Variants in PPP4R3B observed in about 807,000 individuals in gnomAD.
PPP4R3B encodes serine/threonine-protein phosphatase 4 regulatory subunit 3B.
Under a neutral mutation model 95.4 loss-of-function variants are expected in PPP4R3B, and 52 were observed. The observed-to-expected ratio is 0.54, with a 90% CI of 0.44 to 0.69. The LOEUF is 0.69. Ranked by LOEUF, PPP4R3B falls within the 30% of genes least tolerant of loss-of-function variation. The probability of loss-of-function intolerance (pLI) is 0.00; values close to 1 mark genes in which losing one functional copy is unlikely to be tolerated. For synonymous variants in PPP4R3B, 407 were observed against 343.9 expected (o/e 1.18, Z -2.03); for missense variants, 1,003 against 1,005.9 (o/e 1.00, Z 0.04).
intron 2 of PPP4R3B, among the ~76,000 whole-genome samples, chr2:55,610,284 T>A (rs1251490314): frequency 1.3e-5 from 2 of 152,166 alleles, no homozygotes; most frequent in African/African-American, 4.8e-5. Context: ...CTCCACCCTA[T>A]CCCTCCTCCC....
At chr2:55,575,417 A>C (rs556299397) in intron 11 of PPP4R3B, among the ~76,000 whole-genome samples, 8 of 152,084 alleles carry the variant, frequency 5.3e-5, no homozygotes, top group Admixed American at 3.9e-4. Context: ...ATCATGCACC[A>C]CCCATATTAT....
At chr2:55,611,631 T>C (rs1209980032) in intron 2 of PPP4R3B, among the ~76,000 whole-genome samples, 2 of 152,244 alleles carry the variant, frequency 1.3e-5, no homozygotes, top group African/African-American at 2.4e-5. Flanking sequence ...ACTTCATTTA[T>C]GAAAGAAAAG....
intron 4 of PPP4R3B, among the ~76,000 whole-genome samples, chr2:55,593,168 A>C (rs1348280874): frequency 1.3e-5 from 2 of 152,156 alleles, no homozygotes; most frequent in Non-Finnish European, 2.9e-5. Flanking sequence ...AAAATAAATA[A>C]ATAAATAATT....
In PPP4R3B at chr2:55,558,981, T is replaced by A. The variant is rs770223870; in HGVS notation, c.2261-13A>T. The A allele has an allele frequency of 6.3e-7, 1 of 1,595,238 alleles. No homozygotes were observed. Among genetic ancestry groups the A allele is most frequent in the South Asian group, 1.1e-5 (1 of 88,440 alleles). ...TCACTTTCTTTTGCTAAAGCAAAAG[T>A]AAAATTTTGAACGTATATCAATAAA... On this transcript the variant is annotated splice_polypyrimidine_tract_variant and intron_variant, in intron 15 of 16. Transcript: ENST00000616407.
chr2:55,573,770 A>T lies in PPP4R3B; in HGVS notation c.1614T>A (p.Tyr538Ter). 6.6e-7 allele frequency: 1 copy of T among 1,505,682 alleles called. No homozygotes were observed. The highest frequency in any genetic ancestry group is 8.8e-7 in the Non-Finnish European group (1 of 1,132,106). The allele number at this position is 1,505,682 out of a possible 1,614,324, so 93.3% of individuals were successfully genotyped here. ...NKNNTICPDN[Y>*]QTAQLLALIL... ...TTAAGGCAAGTAGCTGTGCTGTTTGATAATTATCTACAAAAGAAAGTAATC... is the reference window on the plus strand; with the variant it reads ...TTAAGGCAAGTAGCTGTGCTGTTTGTTAATTATCTACAAAAGAAAGTAATC... Residue 538 changes from tyrosine to a stop codon, truncating the protein, a stop_gained, in exon 12 of 17, where the codon TAT becomes TAA. Coordinates refer to ENST00000616407, the MANE Select transcript of PPP4R3B (RefSeq NM_001122964.3). LOFTEE classifies it high-confidence loss of function.
intron 2 of PPP4R3B, among the ~76,000 whole-genome samples, chr2:55,607,751 T>C (rs941109581): frequency 2.0e-5 from 3 of 152,138 alleles, no homozygotes; most frequent in Non-Finnish European, 4.4e-5. Context: ...GGATGGCGGA[T>C]GGGGTTCAAA....
intron 2 of PPP4R3B, chr2:55,614,705 AT>A (rs2103923857): frequency 6.6e-6 from 1 of 152,336 alleles, no homozygotes; most frequent in Admixed American, 6.5e-5. Flanking sequence ...AATGTTCAAT[AT>A]TACAAAAATA....
At chr2:55,590,485 T>G (rs1690857435) in intron 4 of PPP4R3B, among the ~76,000 whole-genome samples, 1 of 152,160 alleles carries the variant, frequency 6.6e-6, no homozygotes, top group Admixed American at 6.5e-5. Context: ...TATGAGTGAT[T>G]TTCTTTTTGG....
chr2:55,555,875 C>T (rs1260946926), intron 16 of PPP4R3B, among the ~76,000 whole-genome samples: 5 of 152,134 alleles, frequency 3.3e-5, no homozygotes, highest in Non-Finnish European at 5.9e-5. Context: ...GAATCTGTGA[C>T]GTGTTTATTT....
At chr2:55,570,496 T>C (rs947334416) in intron 12 of PPP4R3B, among the ~76,000 whole-genome samples, 2 of 152,224 alleles carry the variant, frequency 1.3e-5, no homozygotes, top group Non-Finnish European at 2.9e-5. Flanking sequence ...AATTTAGCAA[T>C]ATTACTGCTA....
chr2:55,581,239 A>G (rs1244230742), intron 8 of PPP4R3B, among the ~76,000 whole-genome samples: 1 of 152,166 alleles, frequency 6.6e-6, no homozygotes, highest in Non-Finnish European at 1.5e-5. Context: ...GTGACAGAGC[A>G]AGACTCTGTC....
chr2:55,579,100 A>G (rs2104197314), intron 9 of PPP4R3B, among the ~76,000 whole-genome samples: 1 of 152,242 alleles, frequency 6.6e-6, no homozygotes, highest in East Asian at 1.9e-4. Context: ...GACTCCTTCA[A>G]AAAATTTTTA....
intron 5 of PPP4R3B, 146 bp from the exon 6 acceptor site, chr2:55,586,880 C>T: frequency 2.0e-6 from 1 of 488,968 alleles, no homozygotes; most frequent in South Asian, 4.9e-5. Flanking sequence ...ACATTAAAAA[C>T]AAATTAAAAA....
chr2:55,557,559 G>A (rs1686012378), intron 16 of PPP4R3B, among the ~76,000 whole-genome samples: 5 of 152,124 alleles, frequency 3.3e-5, no homozygotes, highest in Non-Finnish European at 4.4e-5. Context: ...AAATTTTCCA[G>A]TTGAAAAACA....
intron 2 of PPP4R3B, among the ~76,000 whole-genome samples, chr2:55,604,831 C>CAT (rs1455979328): frequency 6.6e-6 from 1 of 151,454 alleles, no homozygotes; most frequent in Non-Finnish European, 1.5e-5. Flanking sequence ...CACAAATATA[C>CAT]ATATATATAT....
At chr2:55,552,097 T>C (rs931253432) in intron 16 of PPP4R3B, among the ~76,000 whole-genome samples, 3 of 152,358 alleles carry the variant, frequency 2.0e-5, no homozygotes, top group African/African-American at 7.2e-5. Flanking sequence ...AACTCACTTA[T>C]ACAATTTGAG....
chr2:55,607,192 CAAG>C (rs1693535637), intron 2 of PPP4R3B, among the ~76,000 whole-genome samples: 1 of 152,198 alleles, frequency 6.6e-6, no homozygotes, highest in Non-Finnish European at 1.5e-5. Flanking sequence ...CCTTCATCAC[CAAG>C]AAGTGTGAGG....
intron 16 of PPP4R3B, among the ~76,000 whole-genome samples, chr2:55,553,396 C>T (rs1192778490): frequency 6.6e-6 from 1 of 151,944 alleles, no homozygotes; most frequent in Non-Finnish European, 1.5e-5. Context: ...CTAACACCTC[C>T]CGAAAAAAGC....
chr2:55,595,297 T>G (rs1197510054), intron 4 of PPP4R3B, among the ~76,000 whole-genome samples: 1 of 151,598 alleles, frequency 6.6e-6, no homozygotes, highest in Non-Finnish European at 1.5e-5. Context: ...AGTGCTGGGA[T>G]TACAGGCATG....
Sources: gnomAD v4.1 joint callset for allele counts (sites outside exome capture counted in the v4.1 genomes callset) on GRCh38, gnomAD v4.1.1 for gene constraint, MANE v1.5 for transcripts, NCBI Gene and HGNC (gene_info 2026-07-23, HGNC 2026-07-21) for gene names.